Variants in CBFA2T3 observed in about 807,000 individuals in gnomAD.
CBFA2T3 encodes transcriptional corepressor CBFA2T3.
Under a neutral mutation model 58.6 loss-of-function variants are expected in CBFA2T3, and 31 were observed. That is an observed-to-expected ratio of 0.53 (90% confidence interval 0.40 to 0.71). CBFA2T3 has a LOEUF of 0.71. CBFA2T3 is among the 30% of genes least tolerant of loss of function. CBFA2T3 has a pLI of 0.00. For missense variants in CBFA2T3, 1,076 were observed against 963.1 expected (o/e 1.12, Z -1.55); for synonymous variants, 531 against 421.9 (o/e 1.26, Z -3.17).
At position 88,971,871 on chromosome 16, in the gene CBFA2T3, C is replaced by T. The variant is rs1248116332; in HGVS notation, c.151+4786G>A. ...GCGCCTCCCCGGTCAACTGCAGTCACGGAAGTGAAAGTGCCGGAAAACCCC... is the reference window on the plus strand; with the variant it reads ...GCGCCTCCCCGGTCAACTGCAGTCATGGAAGTGAAAGTGCCGGAAAACCCC... On this transcript the variant is annotated intron_variant, in intron 1 of 11. Coordinates refer to ENST00000268679, the MANE Select transcript of CBFA2T3 (RefSeq NM_005187.6). 4.6e-5 allele frequency among the ~76,000 whole-genome samples: 7 copies of T among 152,188 alleles called. No individual in the cohort carries two copies. In the East Asian group the frequency reaches 9.6e-4, roughly 21 times the overall value.
chr16:88,969,456 G>A (rs2142882186), intron 1 of CBFA2T3, among the ~76,000 whole-genome samples: 1 of 152,368 alleles, frequency 6.6e-6, no homozygotes, highest in South Asian at 2.1e-4. Flanking sequence ...TTGGGAAGGA[G>A]TGCCAGGAAG....
chr16:88,913,327 C>A (rs1038089351), intron 1 of CBFA2T3, among the ~76,000 whole-genome samples: 1 of 152,254 alleles, frequency 6.6e-6, no homozygotes, highest in Non-Finnish European at 1.5e-5. Context: ...AACCCAGCCA[C>A]GCCCAGAAGA....
intron 3 of CBFA2T3, among the ~76,000 whole-genome samples, chr16:88,894,289 A>G (rs370674488): frequency 6.6e-5 from 1 of 15,206 alleles, no homozygotes; most frequent in African/African-American, 3.6e-4. Flanking sequence ...ACACATGCAC[A>G]CACACATGCA....
At chr16:88,897,000 G>A (rs73254231) in intron 3 of CBFA2T3, among the ~76,000 whole-genome samples, 7,296 of 152,298 alleles carry the variant, frequency 0.048, 582 homozygotes, top group African/African-American at 0.17. Flanking sequence ...GACCGCACAC[G>A]TGTCCCCAGC....
intron 1 of CBFA2T3, among the ~76,000 whole-genome samples, chr16:88,957,416 T>C (rs1003540500): frequency 3.3e-5 from 5 of 152,184 alleles, no homozygotes; most frequent in African/African-American, 4.8e-5. Context: ...ACAGTGCTAC[T>C]CACACAGCAC....
intron 1 of CBFA2T3, among the ~76,000 whole-genome samples, chr16:88,943,785 C>T (rs1204863872): frequency 6.6e-5 from 10 of 152,186 alleles, no homozygotes; most frequent in East Asian, 5.8e-4. Flanking sequence ...GCCCTGGATG[C>T]GGCCAAGTCA....
At chr16:88,881,250 G>C in intron 9 of CBFA2T3, 41 bp downstream of exon 9, 1 of 1,547,800 alleles carries the variant, frequency 6.5e-7, no homozygotes, top group African/African-American at 1.4e-5. Context: ...CCCCACCAGA[G>C]CACCCCGTGT....
intron 1 of CBFA2T3, among the ~76,000 whole-genome samples, chr16:88,903,224 C>T (rs181184202): frequency 6.6e-6 from 1 of 152,348 alleles, no homozygotes; most frequent in East Asian, 1.9e-4. Context: ...AAATACGGCA[C>T]AAACCTCTGC....
chr16:88,964,695 C>T (rs998820770), intron 1 of CBFA2T3, among the ~76,000 whole-genome samples: 2 of 152,132 alleles, frequency 1.3e-5, no homozygotes, highest in African/African-American at 4.8e-5. Flanking sequence ...CCTTTCCTTC[C>T]TGCTTCCTTA....
At position 88,901,632 on chromosome 16, in the gene CBFA2T3, G is replaced by T; in HGVS notation, c.176C>A (p.Ala59Asp). The T allele has an allele frequency of 6.5e-7, 1 of 1,532,490 alleles. No homozygotes were observed. The allele number at this position is 1,532,490 out of a possible 1,614,324, so 94.9% of individuals were successfully genotyped here. A position where few individuals can be genotyped will look rare whatever the true frequency, so the allele number is the denominator to read the frequency against. ...CGCTGGGGAGTCCGGCATCGCTGAG[G>T]CCTTAGCTTTCCTGTCCACTGGGGC... ...GPAPVDRKAK[A>D]SAMPDSPAEV... is the part of the protein sequence containing the mutation. The change falls in exon 2 of 12, where the codon GCC (alanine) becomes GAC (aspartate). Residue 59 changes from alanine to aspartate, a missense_variant. Ala to Asp is a moderately radical substitution (Grantham distance 126, BLOSUM62 -2). Transcript: ENST00000268679.
chr16:88,886,373 C>T (rs1041207746), intron 5 of CBFA2T3: 5 of 397,904 alleles, frequency 1.3e-5, no homozygotes, highest in African/African-American at 4.1e-5. Flanking sequence ...CTGGGCCACA[C>T]GGCGATGTGG....
intron 1 of CBFA2T3, among the ~76,000 whole-genome samples, chr16:88,908,529 C>T (rs1333296832): frequency 6.6e-6 from 1 of 152,132 alleles, no homozygotes; most frequent in Non-Finnish European, 1.5e-5. Flanking sequence ...CTGCAATGTG[C>T]CGGGGCCGCT....
At chr16:88,914,121 G>A (rs996691953) in intron 1 of CBFA2T3, among the ~76,000 whole-genome samples, 1 of 152,242 alleles carries the variant, frequency 6.6e-6, no homozygotes, top group Non-Finnish European at 1.5e-5. Flanking sequence ...ACTGCACACG[G>A]TCTCACAAAT....
chr16:88,930,646 T>C (rs1408164285), intron 1 of CBFA2T3, among the ~76,000 whole-genome samples: 1 of 143,534 alleles, frequency 7.0e-6, no homozygotes, highest in South Asian at 2.2e-4. Flanking sequence ...TTCACAGAGA[T>C]GCAGGAGCGG....
chr16:88,931,627 C>G (rs3826082), intron 1 of CBFA2T3, among the ~76,000 whole-genome samples: 1 of 124,406 alleles, frequency 8.0e-6, no homozygotes, highest in African/African-American at 3.0e-5. Flanking sequence ...GCCCCGTGGA[C>G]GAGCCAGAGG....
chr16:88,932,303 G>C (rs2142772263), intron 1 of CBFA2T3, among the ~76,000 whole-genome samples: 1 of 150,948 alleles, frequency 6.6e-6, no homozygotes, highest in African/African-American at 2.4e-5. Flanking sequence ...ACACTTCCAG[G>C]AAAGAGGCCG....
chr16:88,965,945 G>A (rs1215533091), intron 1 of CBFA2T3, among the ~76,000 whole-genome samples: 2 of 152,336 alleles, frequency 1.3e-5, no homozygotes, highest in Non-Finnish European at 1.5e-5. Flanking sequence ...CACTGTGCCC[G>A]GTCCCTCCTC....
At chr16:88,932,280 ACAGG>A (rs1331759963) in intron 1 of CBFA2T3, among the ~76,000 whole-genome samples, 1 of 142,510 alleles carries the variant, frequency 7.0e-6, no homozygotes, top group Admixed American at 7.3e-5. Flanking sequence ...ATCCCGGAAA[ACAGG>A]CAGAGCACAC....
At chr16:88,935,481 C>G (rs549150424) in intron 1 of CBFA2T3, among the ~76,000 whole-genome samples, 1 of 152,352 alleles carries the variant, frequency 6.6e-6, no homozygotes, top group African/African-American at 2.4e-5. Flanking sequence ...TAGAGTACAA[C>G]TGATCTTACC....
Sources: gnomAD v4.1 joint callset for allele counts (sites outside exome capture counted in the v4.1 genomes callset) on GRCh38, gnomAD v4.1.1 for gene constraint, MANE v1.5 for transcripts, NCBI Gene and HGNC (gene_info 2026-07-23, HGNC 2026-07-21) for gene names.